Variants in RFX8 observed in about 807,000 individuals in gnomAD.
The protein encoded by RFX8 is DNA-binding protein RFX8.
RFX8 carries 46 observed loss-of-function variants against 54.6 expected under a neutral mutation model. The observed-to-expected ratio is 0.84, with a 90% CI of 0.67 to 1.08. The LOEUF is 1.08. Ranked by LOEUF, RFX8 falls within the 50% of genes least tolerant of loss-of-function variation. RFX8 has a pLI of 0.00. For missense variants in RFX8, 536 were observed against 562.3 expected (o/e 0.95, Z 0.47); for synonymous variants, 192 against 209.5 (o/e 0.92, Z 0.72).
At chr2:101,398,224 T>G in intron 11 of RFX8, among the ~76,000 whole-genome samples, 1 of 152,054 alleles carries the variant, frequency 6.6e-6, no homozygotes, top group East Asian at 1.9e-4. Context: ...GAGGACTCAG[T>G]GGGAGGCTTT....
intron 5 of RFX8, among the ~76,000 whole-genome samples, chr2:101,418,424 T>A (rs942487663): frequency 1.3e-5 from 2 of 152,156 alleles, no homozygotes; most frequent in Non-Finnish European, 2.9e-5. Context: ...CCAGAGAAGA[T>A]ATAAACCTGA....
At chr2:101,459,123 C>G (rs1422047872) in intron 2 of RFX8, among the ~76,000 whole-genome samples, 1 of 152,090 alleles carries the variant, frequency 6.6e-6, no homozygotes, top group African/African-American at 2.4e-5. Flanking sequence ...AACCTTTTTT[C>G]AAGGTTTTTA....
At chr2:101,468,814 T>A (rs373788249) in intron 1 of RFX8, among the ~76,000 whole-genome samples, 3 of 151,246 alleles carry the variant, frequency 2.0e-5, no homozygotes, top group African/African-American at 7.3e-5. Context: ...CCCAAAATCA[T>A]TGTGGGAGCC....
chr2:101,464,397 C>A (rs771084516), intron 2 of RFX8, among the ~76,000 whole-genome samples: 1 of 152,222 alleles, frequency 6.6e-6, no homozygotes, highest in Admixed American at 6.5e-5. Flanking sequence ...TTACCCATCA[C>A]ATGCCCAGTA....
At chr2:101,401,025 ACCC>A (rs764220693) in intron 11 of RFX8, among the ~76,000 whole-genome samples, 2 of 152,034 alleles carry the variant, frequency 1.3e-5, no homozygotes, top group Non-Finnish European at 2.9e-5. Context: ...TCTCATCAGC[ACCC>A]CCAAGTTGGG....
chr2:101,452,833 A>G (rs1688759419), intron 2 of RFX8, among the ~76,000 whole-genome samples: 1 of 152,080 alleles, frequency 6.6e-6, no homozygotes, highest in Non-Finnish European at 1.5e-5. Flanking sequence ...AAGGCTGGGC[A>G]TGGTGGCTCA....
chr2:101,474,132 G>T, intron 1 of RFX8: 1 of 559,472 alleles, frequency 1.8e-6, no homozygotes, highest in Non-Finnish European at 3.1e-6. Flanking sequence ...GGCAGCCGTA[G>T]CGGGAACCAC....
At chr2:101,453,764 T>A (rs542560898) in intron 2 of RFX8, among the ~76,000 whole-genome samples, 50 of 152,250 alleles carry the variant, frequency 3.3e-4, no homozygotes, top group Middle Eastern at 6.8e-3. Flanking sequence ...CCCCTTGTCA[T>A]AAAAAATTCT....
rs1250235638 is a variant in RFX8, at chr2:101,469,121, TAA to T, written c.-52-2223_-52-2222del. On this transcript the variant is annotated intron_variant, in intron 1 of 11. Transcript: ENST00000428343. ...ATATATATATAAGTGTATATATATATAAGTATATATATATAAGTATATATATA... is the reference window on the plus strand; with the variant it reads ...ATATATATATAAGTGTATATATATATGTATATATATATAAGTATATATATA... 3.9e-3 allele frequency among the ~76,000 whole-genome samples: 449 copies of T among 113,944 alleles called. 1 individual carries two copies. The highest frequency in any genetic ancestry group is 0.016 in the East Asian group (54 of 3,374). The allele number at this position is 113,944 out of a possible 152,430, so 74.8% of individuals were successfully genotyped here.
intron 8 of RFX8, among the ~76,000 whole-genome samples, chr2:101,411,777 GT>G (rs773276040): frequency 5.9e-5 from 9 of 152,178 alleles, no homozygotes; most frequent in Non-Finnish European, 1.2e-4. Context: ...GGACAGGACA[GT>G]AGAGGGGAGC....
At chr2:101,470,709 C>CTTTTTTT (rs537834632) in intron 1 of RFX8, among the ~76,000 whole-genome samples, 2 of 105,552 alleles carry the variant, frequency 1.9e-5, no homozygotes, top group African/African-American at 3.9e-5. Flanking sequence ...TCTGAGTACT[C>CTTTTTTT]TTTTTTTTTT....
rs1686918704 is a variant in RFX8 at position 101,422,402 on chromosome 2, A to T, written c.143T>A (p.Phe48Tyr). 1.3e-6 allele frequency: 2 copies of T among 1,549,226 alleles called. No individual in the cohort carries two copies. Residue 48 changes from phenylalanine (F) to tyrosine (Y), a missense_variant, in exon 3 of 12, where the codon TTT becomes TAT. Physicochemically the swap from Phe to Tyr is conservative, Grantham distance 22. Transcript: ENST00000428343. ...TTTCTTTGCCTGTTCTTGCTCCAGA[A>T]ATGGACATCTCCTGAATTCAGACAA... is the stretch of plus-strand genomic sequence containing the variant. The part of the protein sequence containing the change: ...SPLSEFRRCP[F>Y]LEQEQAKKYS...
chr2:101,413,809 T>A (rs1425399643), intron 7 of RFX8, among the ~76,000 whole-genome samples: 1 of 152,022 alleles, frequency 6.6e-6, no homozygotes, highest in African/African-American at 2.4e-5. Context: ...GTGAGAGCCC[T>A]GGAGAACAGG....
chr2:101,412,250 C>T (rs946487374), intron 8 of RFX8, among the ~76,000 whole-genome samples: 6 of 152,220 alleles, frequency 3.9e-5, no homozygotes, highest in African/African-American at 9.6e-5. Flanking sequence ...TCCTGCCTCC[C>T]AGGTCCTCCC....
intron 10 of RFX8, among the ~76,000 whole-genome samples, chr2:101,404,065 A>G (rs1431856383): frequency 6.6e-6 from 1 of 152,268 alleles, no homozygotes; most frequent in Non-Finnish European, 1.5e-5. Context: ...GCTGCAACTT[A>G]CAGGGCTGTA....
At chr2:101,469,181 G>A (rs1412888240) in intron 1 of RFX8, among the ~76,000 whole-genome samples, 1 of 144,254 alleles carries the variant, frequency 6.9e-6, no homozygotes, top group African/African-American at 2.6e-5. Context: ...TATACATGGA[G>A]AGAGAGAGAG....
At chr2:101,451,547 G>A (rs560767632) in intron 2 of RFX8, among the ~76,000 whole-genome samples, 1 of 151,978 alleles carries the variant, frequency 6.6e-6, no homozygotes, top group Non-Finnish European at 1.5e-5. Flanking sequence ...AAATAAGCCG[G>A]GCGTGGTGGC....
chr2:101,436,713 A>G (rs1265721140), intron 2 of RFX8, among the ~76,000 whole-genome samples: 1 of 152,150 alleles, frequency 6.6e-6, no homozygotes, highest in Admixed American at 6.5e-5. Flanking sequence ...GGCATTCGTA[A>G]AAGTCGTGTG....
At position 101,402,743 on chromosome 2, in the gene RFX8, T is replaced by C. The variant is rs1306996933; in HGVS notation, c.938A>G (p.His313Arg). The change falls in exon 11 of 12, where the codon CAT becomes CGT. Residue 313 changes from histidine to arginine, a missense_variant. Transcript: ENST00000428343. ...LCHRDSFGSW[H>R]LFHLLLLEYM... ...TTCCAAAAGCAACAAGTGAAACAGATGCCAGGAGCCTACATTTAGATAATA... is the reference window on the plus strand; with the variant it reads ...TTCCAAAAGCAACAAGTGAAACAGACGCCAGGAGCCTACATTTAGATAATA... 5 of 1,543,686 alleles carry C rather than the reference T, an allele frequency of 3.2e-6. No homozygotes were observed. The highest frequency in any genetic ancestry group is 4.4e-6 in the Non-Finnish European group (5 of 1,140,666).
Sources: allele counts gnomAD v4.1 joint callset (sites outside exome capture counted in the v4.1 genomes callset), GRCh38; gene constraint gnomAD v4.1.1; transcripts MANE v1.5; gene names NCBI Gene and HGNC (gene_info 2026-07-23, HGNC 2026-07-21).